The following GNG7 variants were observed in gnomAD, a reference collection of about 807,000 sequenced individuals.
GNG7 encodes G protein subunit gamma 7, also known as guanine nucleotide-binding protein G(I)/G(S)/G(O) subunit gamma-7.
A neutral mutation model predicts 4.0 loss-of-function variants in GNG7; 1 was observed. The ratio of observed to expected loss-of-function variants is 0.25; its 90% CI spans 0.09 to 1.18. GNG7 has a LOEUF of 1.18. GNG7 is among the 50% of genes most tolerant of loss of function. The pLI is 0.50. For missense variants in GNG7, 86 were observed against 91.9 expected (o/e 0.94, Z 0.26); for synonymous variants, 34 against 36.9 (o/e 0.92, Z 0.29).
At chr19:2,538,176 TCTTCTGACGATGATGA>T (rs752096091) in intron 3 of GNG7, 1 of 456,576 alleles carries the variant, frequency 2.2e-6, no homozygotes, top group Non-Finnish European at 4.4e-6. Context: ...TAAACTGGTA[TCTTCTGACGATGATGA>T]CTTTATTGTA....
intron 2 of GNG7, among the ~76,000 whole-genome samples, chr19:2,624,328 G>A (rs1256082505): frequency 6.6e-6 from 1 of 151,974 alleles, no homozygotes; most frequent in Admixed American, 6.6e-5. Context: ...AGGAGATCGA[G>A]ACCATCCTGG....
chr19:2,571,806 G>A (rs1468176514), intron 2 of GNG7, among the ~76,000 whole-genome samples: 1 of 151,798 alleles, frequency 6.6e-6, no homozygotes, highest in Non-Finnish European at 1.5e-5. Flanking sequence ...ATGTTGGCCA[G>A]GCTGGTCTCG....
intron 1 of GNG7, among the ~76,000 whole-genome samples, chr19:2,655,204 A>C (rs988251052): frequency 1.3e-5 from 2 of 150,140 alleles, no homozygotes; most frequent in Admixed American, 6.6e-5. Flanking sequence ...AAAAAAAAAA[A>C]ACCACACACA....
At chr19:2,627,855 A>G (rs1161795966) in intron 2 of GNG7, among the ~76,000 whole-genome samples, 1 of 152,162 alleles carries the variant, frequency 6.6e-6, no homozygotes, top group African/African-American at 2.4e-5. Flanking sequence ...TGTGTGCAGG[A>G]GGTCAGGTGA....
intron 2 of GNG7, among the ~76,000 whole-genome samples, chr19:2,645,346 C>G (rs768940655): frequency 2.0e-5 from 3 of 150,936 alleles, no homozygotes; most frequent in Non-Finnish European, 2.9e-5. Flanking sequence ...TCAAGTGATT[C>G]TCGCACCTCA....
At chr19:2,691,866 CAA>C (rs10709787) in intron 1 of GNG7, among the ~76,000 whole-genome samples, 3,543 of 125,950 alleles carry the variant, frequency 0.028, 131 homozygotes, top group African/African-American at 0.093. Flanking sequence ...GATTGCATCT[CAA>C]AAAAAAAAAA....
chr19:2,601,426 G>A (rs1981195851), intron 2 of GNG7, among the ~76,000 whole-genome samples: 1 of 152,084 alleles, frequency 6.6e-6, no homozygotes, highest in Non-Finnish European at 1.5e-5. Context: ...CGTGCCTATT[G>A]CAGATACATG....
At chr19:2,572,000 CTT>C (rs1160720946) in intron 2 of GNG7, among the ~76,000 whole-genome samples, 2 of 152,002 alleles carry the variant, frequency 1.3e-5, no homozygotes, top group African/African-American at 2.4e-5. Flanking sequence ...GTCCCTCTCT[CTT>C]TGTGTTTTTG....
Position 2,511,891 on chromosome 19 carries a change from G to C in GNG7, c.*3131C>G, listed in dbSNP as rs545520749. 5 of 986,380 alleles carry C rather than the reference G, an allele frequency of 5.1e-6. No homozygotes were observed. The Admixed American group carries it at 3.1e-4, about 61-fold the overall frequency. The allele number at this position is 986,380 out of a possible 1,614,324, so 61.1% of individuals were successfully genotyped here. The stretch of plus-strand genomic sequence containing the variant: ...GTGAGGGTTCTGGCTCCTTCCTGGA[G>C]AGAGGAGGGCAGGGGAGGCGGAGCT... On this transcript the variant is annotated 3_prime_UTR_variant, in exon 5 of 5. Coordinates refer to ENST00000382159, the MANE Select transcript of GNG7 (RefSeq NM_052847.3). This position sits in a 1 kb window ranked among gnomAD's most constrained non-coding sequence, Gnocchi z 6.3.
At chr19:2,607,092 GTGTC>G (rs1981407640) in intron 2 of GNG7, among the ~76,000 whole-genome samples, 1 of 151,864 alleles carries the variant, frequency 6.6e-6, no homozygotes. Flanking sequence ...ATGGTGGTGT[GTGTC>G]TGTAGTCCCA....
intron 3 of GNG7, among the ~76,000 whole-genome samples, chr19:2,524,956 C>T (rs751290951): frequency 1.3e-5 from 2 of 151,602 alleles, no homozygotes; most frequent in African/African-American, 4.9e-5. Flanking sequence ...GCTGAGATGC[C>T]GAGACTCAGA....
At chr19:2,520,478 G>A (rs1427118383) in intron 4 of GNG7, 130 bp downstream of exon 4, 8 of 601,076 alleles carry the variant, frequency 1.3e-5, no homozygotes, top group Non-Finnish European at 2.1e-5. Context: ...TTAAGGGAGG[G>A]CCTCAAGGTC....
intron 2 of GNG7, among the ~76,000 whole-genome samples, chr19:2,639,435 C>T (rs565052947): frequency 6.0e-4 from 66 of 110,198 alleles, no homozygotes; most frequent in African/African-American, 1.5e-3. Flanking sequence ...TCGGATTCAC[C>T]GGCCACCAAG....
intron 2 of GNG7, among the ~76,000 whole-genome samples, chr19:2,631,791 A>T (rs1044821898): frequency 1.3e-5 from 2 of 152,178 alleles, no homozygotes; most frequent in Non-Finnish European, 2.9e-5. Context: ...TAAAAACAGG[A>T]ACTAGATGGG....
At chr19:2,575,736 C>CACA (rs1491127479) in intron 2 of GNG7, among the ~76,000 whole-genome samples, 1 of 80,728 alleles carries the variant, frequency 1.2e-5, no homozygotes, top group African/African-American at 8.3e-5. Context: ...CGCAGGCACA[C>CACA]GCACACGCAG....
At chr19:2,686,184 G>C (rs1483177310) in intron 1 of GNG7, among the ~76,000 whole-genome samples, 2 of 150,304 alleles carry the variant, frequency 1.3e-5, no homozygotes, top group Non-Finnish European at 3.0e-5. Context: ...TTGAGACAGA[G>C]TCTCACGCTG....
intron 3 of GNG7, among the ~76,000 whole-genome samples, chr19:2,553,592 T>A (rs1320098951): frequency 6.7e-6 from 1 of 149,128 alleles, no homozygotes; most frequent in South Asian, 2.1e-4. Flanking sequence ...TACACGCACA[T>A]ATTACATGCA....
At chr19:2,612,853 C>T (rs541203342) in intron 2 of GNG7, among the ~76,000 whole-genome samples, 21 of 151,926 alleles carry the variant, frequency 1.4e-4, no homozygotes, top group African/African-American at 4.8e-4. Context: ...CCACCACACC[C>T]GGCTAATTTT....
chr19:2,675,904 T>G (rs1477422947), intron 1 of GNG7, among the ~76,000 whole-genome samples: 1 of 152,216 alleles, frequency 6.6e-6, no homozygotes, highest in African/African-American at 2.4e-5. Flanking sequence ...GCCAGATGCC[T>G]CAGAATGGGA....
Sources: gnomAD v4.1 joint callset for allele counts (sites outside exome capture counted in the v4.1 genomes callset) on GRCh38, gnomAD v4.1.1 for gene constraint, Gnocchi (gnomAD v3.1) non-coding constraint, MANE v1.5 for transcripts, NCBI Gene and HGNC (gene_info 2026-07-23, HGNC 2026-07-21) for gene names.